KLRG1: variants seen among roughly 807,000 people sequenced by gnomAD.
KLRG1 encodes the protein killer cell lectin-like receptor subfamily G member 1.
KLRG1 carries 16 observed loss-of-function variants against 21.8 expected under a neutral mutation model. The ratio of observed to expected loss-of-function variants is 0.73; its 90% CI spans 0.50 to 1.11. The LOEUF (loss-of-function observed/expected upper bound fraction) is 1.11, where lower values mean the gene tolerates loss of function less well. Among genes scored for constraint, KLRG1 ranks in the 50% most tolerant of loss-of-function variants. The pLI, the probability that KLRG1 is intolerant of heterozygous loss-of-function variation, is 0.00. For synonymous variants in KLRG1, 69 were observed against 75.9 expected (o/e 0.91, Z 0.47); for missense variants, 173 against 218.3 (o/e 0.79, Z 1.31).
the KLRG1 span, chr12:9,151,765 C>T: frequency 2.0e-6 from 2 of 978,548 alleles, no homozygotes; most frequent in Non-Finnish European, 3.1e-6. Context: ...GACAAATGGT[C>T]ATTCTCTGAA....
the KLRG1 span, among the ~76,000 whole-genome samples, chr12:9,116,869 A>G: frequency 3.9e-5 from 6 of 152,280 alleles, no homozygotes; most frequent in South Asian, 1.2e-3. Context: ...ATAAAATACA[A>G]TATAACACCT....
At chr12:9,006,153 A>G (rs1947465693) in intron 3 of KLRG1, among the ~76,000 whole-genome samples, 1 of 152,266 alleles carries the variant, frequency 6.6e-6, no homozygotes, top group South Asian at 2.1e-4. Context: ...TCCTGCTCTG[A>G]TCATTACACA....
At chr12:9,187,833 A>G in the KLRG1 span, among the ~76,000 whole-genome samples, 1 of 152,216 alleles carries the variant, frequency 6.6e-6, no homozygotes, top group Non-Finnish European at 1.5e-5. Flanking sequence ...TGCTCTTCGG[A>G]ACCTGAAAGT....
chr12:9,115,752 T>G, the KLRG1 span: 3 of 1,603,510 alleles, frequency 1.9e-6, no homozygotes, highest in Non-Finnish European at 2.6e-6. Context: ...ACGCTCTCTG[T>G]GTGGAACTCA....
At chr12:8,991,320 G>A (rs867222125) in intron 1 of KLRG1, among the ~76,000 whole-genome samples, 20 of 152,204 alleles carry the variant, frequency 1.3e-4, no homozygotes, top group African/African-American at 4.3e-4. Flanking sequence ...ATGAAGTAGT[G>A]TCCTATTCTT....
chr12:9,078,200 C>G, the KLRG1 span, among the ~76,000 whole-genome samples: 2 of 152,180 alleles, frequency 1.3e-5, no homozygotes, highest in Non-Finnish European at 2.9e-5. Flanking sequence ...TCACCCCACA[C>G]CTCCCAACAG....
the KLRG1 span, chr12:9,208,516 G>C: frequency 1.8e-6 from 1 of 564,664 alleles, no homozygotes; most frequent in Non-Finnish European, 3.2e-6. Context: ...ATTACTCTCA[G>C]TGGTTGCCTC....
the KLRG1 span, among the ~76,000 whole-genome samples, chr12:9,137,711 GTT>G: frequency 7.9e-5 from 12 of 151,806 alleles, no homozygotes; most frequent in African/African-American, 2.9e-4. Context: ...CAATGTTTTT[GTT>G]TCCAGACACA....
intron 2 of KLRG1, among the ~76,000 whole-genome samples, chr12:8,994,847 A>T (rs984892288): frequency 1.3e-5 from 2 of 152,196 alleles, no homozygotes; most frequent in African/African-American, 4.8e-5. Context: ...TTTCAGGCAG[A>T]TTGTTGTATG....
chr12:9,164,036 T>C, the KLRG1 span: 1 of 1,437,890 alleles, frequency 7.0e-7, no homozygotes, highest in Non-Finnish European at 9.5e-7. Context: ...TATAGAATTA[T>C]ATCTATGGCA....
At chr12:9,074,130 T>C in the KLRG1 span, among the ~76,000 whole-genome samples, 4 of 145,490 alleles carry the variant, frequency 2.7e-5, no homozygotes, top group Non-Finnish European at 6.0e-5. Context: ...AAGCACAAAA[T>C]GTGTAGTTTT....
the KLRG1 span, among the ~76,000 whole-genome samples, chr12:9,017,327 G>T: frequency 7.1e-6 from 1 of 141,538 alleles, no homozygotes; most frequent in Non-Finnish European, 1.6e-5. Flanking sequence ...AAACCCAAAT[G>T]TAAATATCCC....
At chr12:9,164,159 G>T in the KLRG1 span, 1 of 1,611,716 alleles carries the variant, frequency 6.2e-7, no homozygotes, top group South Asian at 1.1e-5. Flanking sequence ...CACTGTCCAA[G>T]ACAAGGTTTG....
the KLRG1 span, among the ~76,000 whole-genome samples, chr12:9,133,609 T>G: frequency 6.6e-6 from 1 of 151,986 alleles, no homozygotes; most frequent in East Asian, 1.9e-4. Flanking sequence ...TCTCTTATGA[T>G]ATGGCATTTA....
the KLRG1 span, among the ~76,000 whole-genome samples, chr12:9,158,094 G>T: frequency 5.3e-5 from 8 of 152,100 alleles, no homozygotes; most frequent in Admixed American, 2.0e-4. Context: ...GCAACTACAG[G>T]CACAGGCCAC....
chr12:9,094,973 C>A, the KLRG1 span: 4 of 1,497,190 alleles, frequency 2.7e-6, no homozygotes, highest in South Asian at 1.4e-5. Context: ...TTTTGTTTAC[C>A]ATAAAAACCT....
intron 1 of KLRG1, among the ~76,000 whole-genome samples, chr12:8,977,403 A>G (rs1555140540): frequency 7.2e-6 from 1 of 139,838 alleles, no homozygotes; most frequent in African/African-American, 2.6e-5. Flanking sequence ...TGTAGTAGAG[A>G]CAGGGTTTCA....
At chr12:9,096,860 A>C in the KLRG1 span, among the ~76,000 whole-genome samples, 1 of 152,212 alleles carries the variant, frequency 6.6e-6, no homozygotes, top group African/African-American at 2.4e-5. Context: ...TTATCTTTCC[A>C]GTAGCTCACT....
the KLRG1 span, among the ~76,000 whole-genome samples, chr12:9,208,737 T>C: frequency 6.6e-6 from 1 of 152,208 alleles, no homozygotes; most frequent in South Asian, 2.1e-4. Context: ...AGCTCATGCA[T>C]TGCAGATTCA....
Sources: allele counts gnomAD v4.1 joint callset (sites outside exome capture counted in the v4.1 genomes callset), GRCh38; gene constraint gnomAD v4.1.1; transcripts MANE v1.5; gene names NCBI Gene and HGNC (gene_info 2026-07-23, HGNC 2026-07-21).